Variants in JHY observed in about 807,000 individuals in gnomAD.
JHY encodes junctional cadherin complex regulator, also known as jhy protein homolog.
JHY carries 69 observed loss-of-function variants against 78.0 expected under a neutral mutation model. That is an observed-to-expected ratio of 0.88 (90% CI 0.73 to 1.08). The LOEUF (loss-of-function observed/expected upper bound fraction) is 1.08. JHY is among the 50% of genes least tolerant of loss of function. JHY has a pLI of 0.00. For synonymous variants in JHY, 368 were observed against 342.6 expected (o/e 1.07, Z -0.82); for missense variants, 944 against 927.8 (o/e 1.02, Z -0.23).
chr11:122,894,883 A>G (rs1862706964), intron 2 of JHY, among the ~76,000 whole-genome samples: 1 of 152,236 alleles, frequency 6.6e-6, no homozygotes, highest in Admixed American at 6.5e-5. Context: ...ATTTCATTAA[A>G]GCATCCTTTT....
At chr11:122,895,679 AC>A (rs1435350771) in intron 2 of JHY, among the ~76,000 whole-genome samples, 4 of 152,208 alleles carry the variant, frequency 2.6e-5, no homozygotes, top group Non-Finnish European at 5.9e-5. Flanking sequence ...CTGAACAGTA[AC>A]AAAAGAGTTG....
At chr11:122,956,641 T>C in intron 7 of JHY, 65 bp downstream of exon 7, 1 of 1,342,614 alleles carries the variant, frequency 7.4e-7, no homozygotes. Context: ...TAGGAAACTT[T>C]ATGAAGACGC....
At chr11:122,937,626 C>T (rs1302484885) in intron 5 of JHY, among the ~76,000 whole-genome samples, 2 of 152,126 alleles carry the variant, frequency 1.3e-5, no homozygotes, top group South Asian at 2.1e-4. Context: ...CAGTTCTCAG[C>T]GTGCCAGTGT....
chr11:122,952,101 T>C (rs1468364442), intron 6 of JHY, among the ~76,000 whole-genome samples: 2 of 152,006 alleles, frequency 1.3e-5, no homozygotes, highest in Admixed American at 1.3e-4. Flanking sequence ...TAAAAGACTT[T>C]TGAAGAGCCA....
At position 122,960,105 on chromosome 11, in the gene JHY, A is replaced by T. The variant is rs1198558721; in HGVS notation, c.*660A>T. 6.6e-6 allele frequency among the ~76,000 whole-genome samples: 1 copy of T among 152,044 alleles called. No homozygotes were observed. Among genetic ancestry groups the T allele is most frequent in the Non-Finnish European group, 1.5e-5 (1 of 68,016 alleles). ...AAAAATTAGCTAGGCGTGGTGGCGC[A>T]TGTCTATAGTTCCAGGTACTCAGGA... On this transcript the variant is annotated 3_prime_UTR_variant, in exon 9 of 9. Coordinates refer to ENST00000227349, the MANE Select transcript of JHY (RefSeq NM_024806.4).
intron 3 of JHY, among the ~76,000 whole-genome samples, chr11:122,915,925 A>G (rs1863224013): frequency 6.6e-6 from 1 of 152,174 alleles, no homozygotes; most frequent in Non-Finnish European, 1.5e-5. Context: ...AGCTGTCAGT[A>G]CAGAAAGAAC....
At chr11:122,893,200 G>A (rs943069567) in intron 2 of JHY, among the ~76,000 whole-genome samples, 1 of 152,162 alleles carries the variant, frequency 6.6e-6, no homozygotes, top group African/African-American at 2.4e-5. Flanking sequence ...CATGAGAATA[G>A]TTATATCAGA....
chr11:122,955,943 T>C (rs1166151851), intron 6 of JHY, among the ~76,000 whole-genome samples: 4 of 152,176 alleles, frequency 2.6e-5, no homozygotes, highest in African/African-American at 4.8e-5. Context: ...CCCAGTAAAC[T>C]GTCTAAGACT....
At chr11:122,893,173 T>C (rs1862662724) in intron 2 of JHY, among the ~76,000 whole-genome samples, 1 of 152,208 alleles carries the variant, frequency 6.6e-6, no homozygotes, top group Non-Finnish European at 1.5e-5. Flanking sequence ...TAGTATTTAT[T>C]TATTTATTTC....
chr11:122,890,908 T>C (rs542792889), intron 2 of JHY, among the ~76,000 whole-genome samples: 7 of 152,234 alleles, frequency 4.6e-5, no homozygotes, highest in African/African-American at 1.4e-4. Flanking sequence ...AGTTCTCCAA[T>C]AAAAAGGAAA....
At chr11:122,930,540 G>A (rs7934356) in intron 4 of JHY, among the ~76,000 whole-genome samples, 35,991 of 152,154 alleles carry the variant, frequency 0.24, 4,742 homozygotes, top group Middle Eastern at 0.32. Flanking sequence ...TTCAGCCTAT[G>A]TATTTTTACT....
At position 122,959,430 on chromosome 11, in the gene JHY, C is replaced by T; in HGVS notation, c.2322C>T (p.Val774=). 6.2e-7 allele frequency: 1 copy of T among 1,614,064 alleles called. No individual in the cohort carries two copies. The highest frequency in any genetic ancestry group is 8.5e-7 in the Non-Finnish European group (1 of 1,179,964). The change falls in exon 9 of 9, where the codon GTC becomes GTT. Residue 774 remains valine, a synonymous_variant. Coordinates refer to ENST00000227349, the MANE Select transcript of JHY (RefSeq NM_024806.4). ...AACAGGCTGTGGCTGCTTTCAAAGT[C>T]CTTCACATCGTATAGACAACATTTG... ...REKQAVAAFK[V]LHIV is the part of the protein sequence containing the mutation.
At chr11:122,887,782 G>A (rs1862528177) in intron 2 of JHY, among the ~76,000 whole-genome samples, 1 of 152,108 alleles carries the variant, frequency 6.6e-6, no homozygotes, top group Admixed American at 6.5e-5. Flanking sequence ...GGATTGCAGA[G>A]GATTTGTTTT....
chr11:122,885,878 T>A lies in JHY; in HGVS notation c.29T>A (p.Leu10His). The A allele has an allele frequency of 6.2e-7, 1 of 1,611,564 alleles. No individual in the cohort carries two copies. The highest frequency in any genetic ancestry group is 8.5e-7 in the Non-Finnish European group (1 of 1,178,266). Reference protein sequence around the residue: MSKRKLIPKLSIQSPVLHTN... With the variant: MSKRKLIPKHSIQSPVLHTN... ...AGTAAACGTAAACTAATTCCCAAGC[T>A]CTCTATTCAATCTCCTGTCCTTCAT... is the stretch of plus-strand genomic sequence containing the variant. Residue 10 changes from leucine (L) to histidine (H), a missense_variant, in exon 2 of 9, where the codon CTC becomes CAC. By Grantham distance (99) the Leu-to-His change is moderately conservative (BLOSUM62 -3). Coordinates refer to ENST00000227349, the MANE Select transcript of JHY (RefSeq NM_024806.4).
chr11:122,908,704 T>A (rs1863045145), intron 3 of JHY, among the ~76,000 whole-genome samples: 1 of 152,106 alleles, frequency 6.6e-6, no homozygotes, highest in Non-Finnish European at 1.5e-5. Context: ...TTGTTTTGTT[T>A]TGGTTTTTGT....
intron 3 of JHY, chr11:122,905,079 TA>T (rs1340921296): frequency 1.0e-6 from 1 of 966,272 alleles, no homozygotes; most frequent in Non-Finnish European, 1.6e-6. Flanking sequence ...CATCATTTGT[TA>T]TTGTCCTGTG....
chr11:122,901,583 A>T (rs1057242708), intron 2 of JHY, among the ~76,000 whole-genome samples: 17 of 151,598 alleles, frequency 1.1e-4, no homozygotes, highest in East Asian at 3.9e-4. Flanking sequence ...CTATTAAAAA[A>T]TTTTTTTTGG....
chr11:122,929,918 C>T (rs1486195265), intron 4 of JHY, among the ~76,000 whole-genome samples: 2 of 151,972 alleles, frequency 1.3e-5, no homozygotes, highest in African/African-American at 4.8e-5. Flanking sequence ...GATTTGGTGA[C>T]TAAAAGTTTA....
In JHY at chr11:122,962,080, T is replaced by C. The variant is rs556309271; in HGVS notation, c.*2635T>C. ...AAGACAAAAGCATTCCATAGTTTAC[T>C]ACTGAATACAAATGTTAATAAATAT... On this transcript the variant is annotated 3_prime_UTR_variant, in exon 9 of 9. Transcript: ENST00000227349. Among the ~76,000 whole-genome samples, 1 of 152,400 alleles carries C rather than the reference T, an allele frequency of 6.6e-6. No individual in the cohort carries two copies. Among genetic ancestry groups the C allele is most frequent in the African/African-American group, 2.4e-5 (1 of 41,600 alleles).
Sources: allele counts gnomAD v4.1 joint callset (sites outside exome capture counted in the v4.1 genomes callset), GRCh38; gene constraint gnomAD v4.1.1; transcripts MANE v1.5; gene names NCBI Gene and HGNC (gene_info 2026-07-23, HGNC 2026-07-21).